COL19A1: variants seen among roughly 807,000 people sequenced by gnomAD.
COL19A1 encodes the protein collagen type XIX alpha 1 chain, also known as collagen alpha-1(XIX) chain.
Under a neutral mutation model 190.2 loss-of-function variants are expected in COL19A1, and 159 were observed. The ratio of observed to expected loss-of-function variants is 0.84; its 90% confidence interval spans 0.73 to 0.95. The LOEUF (loss-of-function observed/expected upper bound fraction) is 0.95. COL19A1 is among the 40% of genes least tolerant of loss of function. The probability of loss-of-function intolerance (pLI) is 0.00; values close to 1 mark genes in which losing one functional copy is unlikely to be tolerated. For synonymous variants in COL19A1, 509 were observed against 458.9 expected, an observed-to-expected ratio of 1.11 and a Z score of -1.39; for missense variants, 1,418 against 1,431.9, an observed-to-expected ratio of 0.99 and a Z score of 0.16.
At chr6:69,898,043 T>C (rs1040334404) in intron 2 of COL19A1, among the ~76,000 whole-genome samples, 1 of 152,060 alleles carries the variant, frequency 6.6e-6, no homozygotes, top group Non-Finnish European at 1.5e-5. Context: ...TCAATTTGGT[T>C]TTAAGTAGTT....
intron 14 of COL19A1, among the ~76,000 whole-genome samples, chr6:70,046,504 A>G (rs1779925544): frequency 6.6e-6 from 1 of 152,178 alleles, no homozygotes; most frequent in African/African-American, 2.4e-5. Context: ...ATTTTTCCAG[A>G]AAATTATCCA....
intron 25 of COL19A1, among the ~76,000 whole-genome samples, 153 bp from the exon 26 acceptor site, chr6:70,146,504 CAT>C (rs1450003778): frequency 3.3e-5 from 5 of 151,844 alleles, no homozygotes; most frequent in Non-Finnish European, 7.4e-5. Context: ...AAATCTATAA[CAT>C]ATTGAAATTT....
At chr6:70,036,197 A>G (rs1386821701) in intron 14 of COL19A1, among the ~76,000 whole-genome samples, 2 of 152,180 alleles carry the variant, frequency 1.3e-5, no homozygotes, top group East Asian at 1.9e-4. Context: ...TCTATCCTCC[A>G]TATGGCTCAT....
At chr6:69,920,083 C>T (rs888078749) in intron 4 of COL19A1, among the ~76,000 whole-genome samples, 4 of 151,978 alleles carry the variant, frequency 2.6e-5, no homozygotes, top group Non-Finnish European at 5.9e-5. Flanking sequence ...ATCATCAGCA[C>T]AATTCATGCC....
intron 2 of COL19A1, among the ~76,000 whole-genome samples, chr6:69,880,279 G>T (rs1446384361): frequency 1.3e-5 from 2 of 152,118 alleles, no homozygotes; most frequent in East Asian, 3.8e-4. Flanking sequence ...AATTGATTAT[G>T]TGGTTAATTT....
Position 70,180,309 on chromosome 6 carries a change from C to A in COL19A1, c.2668-3C>A. 2 of 1,614,088 alleles carry A rather than the reference C, an allele frequency of 1.2e-6. No homozygotes were observed. The highest frequency in any genetic ancestry group is 1.1e-5 in the South Asian group (1 of 91,080). On this transcript the variant is annotated splice_region_variant and splice_polypyrimidine_tract_variant and intron_variant, in intron 42 of 50. Transcript: ENST00000620364. ...AACATTTCTCTTCAATTTGCCTTGC[C>A]AGGGAAAACCTGGTGCCCCAGGGCC... is the stretch of plus-strand genomic sequence containing the variant.
chr6:70,150,092 G>A (rs1213571605), intron 30 of COL19A1, 47 bp downstream of exon 30: 6 of 1,595,998 alleles, frequency 3.8e-6, no homozygotes, highest in Non-Finnish European at 5.1e-6. Flanking sequence ...AATGCACCCA[G>A]AAGCCAAACA....
At chr6:70,164,406 G>A (rs763110330) in intron 36 of COL19A1, among the ~76,000 whole-genome samples, 7 of 152,078 alleles carry the variant, frequency 4.6e-5, no homozygotes, top group Non-Finnish European at 8.8e-5. Flanking sequence ...CCACCCACTC[G>A]TCAGGACACA....
intron 11 of COL19A1, among the ~76,000 whole-genome samples, chr6:69,993,164 G>A (rs898059793): frequency 1.3e-5 from 2 of 152,006 alleles, no homozygotes; most frequent in African/African-American, 4.8e-5. Context: ...TTTTAAACAT[G>A]AAGGGAAGTT....
At chr6:70,184,595 C>T in intron 44 of COL19A1, 108 bp from the exon 45 acceptor site, 1 of 854,062 alleles carries the variant, frequency 1.2e-6, no homozygotes. Context: ...CTTTACCAAG[C>T]TCTCAGTAGA....
chr6:70,144,206 C>G lies in COL19A1; in HGVS notation c.1627-4C>G, dbSNP rs1224979144. 6.2e-7 allele frequency: 1 copy of G among 1,611,498 alleles called. No homozygotes were observed. The highest frequency in any genetic ancestry group is 1.1e-5 in the South Asian group (1 of 90,944). ...CTCTTTCCTATTAACTCTGAGTTTT[C>G]TAGGGATTGCCAGGAGAACATGGTA... On this transcript the variant is annotated splice_region_variant and splice_polypyrimidine_tract_variant and intron_variant, in intron 23 of 50. Transcript: ENST00000620364.
At chr6:70,191,446 TTG>T in intron 48 of COL19A1, among the ~76,000 whole-genome samples, 1 of 152,268 alleles carries the variant, frequency 6.6e-6, no homozygotes, top group East Asian at 1.9e-4. Context: ...CCCTATAACT[TTG>T]TGTCATGCTA....
intron 4 of COL19A1, among the ~76,000 whole-genome samples, chr6:69,903,378 G>A (rs1770312366): frequency 6.6e-6 from 1 of 152,106 alleles, no homozygotes; most frequent in African/African-American, 2.4e-5. Context: ...TGTGCTAAGG[G>A]ACTTGTACTC....
intron 19 of COL19A1, among the ~76,000 whole-genome samples, chr6:70,137,973 A>C (rs913807167): frequency 5.3e-5 from 8 of 152,200 alleles, no homozygotes; most frequent in African/African-American, 1.7e-4. Context: ...TATCACCTGC[A>C]TACTTCAAAT....
intron 15 of COL19A1, among the ~76,000 whole-genome samples, chr6:70,093,176 GAAGGCAATGTATATA>G: frequency 6.6e-6 from 1 of 152,212 alleles, no homozygotes; most frequent in Admixed American, 6.5e-5. Context: ...TCTCAGACAG[GAAGGCAATGTATATA>G]AAGGCCAAAT....
At chr6:69,984,927 A>G (rs1212335426) in intron 11 of COL19A1, among the ~76,000 whole-genome samples, 4 of 152,196 alleles carry the variant, frequency 2.6e-5, no homozygotes, top group Non-Finnish European at 5.9e-5. Flanking sequence ...CATTTTAAAG[A>G]AATAATTAAT....
intron 15 of COL19A1, among the ~76,000 whole-genome samples, chr6:70,073,604 T>G (rs1236270799): frequency 2.0e-5 from 3 of 152,192 alleles, no homozygotes; most frequent in African/African-American, 7.2e-5. Flanking sequence ...CTATTTTATT[T>G]AAATTTTACC....
At chr6:70,037,439 A>G (rs899803108) in intron 14 of COL19A1, among the ~76,000 whole-genome samples, 1 of 152,150 alleles carries the variant, frequency 6.6e-6, no homozygotes, top group African/African-American at 2.4e-5. Context: ...TACAGGCTTG[A>G]GCCACTGTGC....
chr6:70,156,399 G>A lies in COL19A1; in HGVS notation c.2238+30G>A, dbSNP rs201642602. ...GAAATTCTCTCCTCCACTTTCCCCT[G>A]TGGGAACCTCAATTTAGTATGAAAA... On this transcript the variant is annotated intron_variant, in intron 33 of 50. Transcript: ENST00000620364. 5.6e-6 allele frequency: 9 copies of A among 1,605,818 alleles called. No individual in the cohort carries two copies. The South Asian group carries it at 6.7e-5, about 12-fold the overall frequency.
Sources: gnomAD v4.1 joint callset for allele counts (sites outside exome capture counted in the v4.1 genomes callset) on GRCh38, gnomAD v4.1.1 for gene constraint, MANE v1.5 for transcripts, NCBI Gene and HGNC (gene_info 2026-07-23, HGNC 2026-07-21) for gene names.